The following STK4 variants were observed in gnomAD, a reference collection of about 807,000 sequenced individuals.
STK4 encodes the protein serine/threonine kinase 4.
Under a neutral mutation model 64.9 loss-of-function variants are expected in STK4, and 30 were observed. The observed-to-expected ratio is 0.46, with a 90% CI of 0.35 to 0.63. The LOEUF is 0.63. Among genes scored for constraint, STK4 ranks in the 20% least tolerant of loss-of-function variants. The pLI is 0.01. For synonymous variants in STK4, 177 were observed against 199.0 expected (o/e 0.89, Z 0.93); for missense variants, 466 against 598.5 (o/e 0.78, Z 2.31).
chr20:44,967,487 A>C (rs1042972489), intron 1 of STK4, among the ~76,000 whole-genome samples: 1 of 151,918 alleles, frequency 6.6e-6, no homozygotes, highest in African/African-American at 2.4e-5. Flanking sequence ...GAAAATCTCA[A>C]CTCCTGGATT....
intron 10 of STK4, among the ~76,000 whole-genome samples, chr20:45,027,226 C>T (rs976146446): frequency 3.3e-5 from 5 of 151,940 alleles, no homozygotes; most frequent in African/African-American, 9.7e-5. Flanking sequence ...GTCAGGAGTT[C>T]GAGGCTAGCC....
intron 7 of STK4, among the ~76,000 whole-genome samples, chr20:44,997,516 G>A (rs1358548581): frequency 1.3e-5 from 2 of 152,126 alleles, no homozygotes; most frequent in Non-Finnish European, 2.9e-5. Context: ...GTGAAACCAT[G>A]TCTCTACAAA....
At chr20:45,062,989 C>CTTTTGTT (rs1979212047) in intron 10 of STK4, among the ~76,000 whole-genome samples, 1 of 31,452 alleles carries the variant, frequency 3.2e-5, no homozygotes, top group Non-Finnish European at 5.8e-5. Context: ...CGCACCCGGC[C>CTTTTGTT]TTTTTTTTTT....
At chr20:45,041,795 C>G (rs750426829) in intron 10 of STK4, among the ~76,000 whole-genome samples, 6 of 151,886 alleles carry the variant, frequency 4.0e-5, no homozygotes, top group Admixed American at 6.6e-5. Flanking sequence ...CATAACATCA[C>G]GTGTCACAGG....
intron 5 of STK4, among the ~76,000 whole-genome samples, chr20:44,994,188 T>TA (rs1260416634): frequency 6.6e-6 from 1 of 151,696 alleles, no homozygotes; most frequent in Non-Finnish European, 1.5e-5. Context: ...ATTGCACATG[T>TA]ATGCTCATAT....
chr20:45,007,131 GTTATC>G (rs1359432853), intron 9 of STK4, among the ~76,000 whole-genome samples: 1 of 152,032 alleles, frequency 6.6e-6, no homozygotes, highest in Non-Finnish European at 1.5e-5. Context: ...AGCTCATTCC[GTTATC>G]TTAACTGTCT....
chr20:44,973,505 T>C (rs1397015839), intron 2 of STK4: 1 of 152,242 alleles, frequency 6.6e-6, no homozygotes, highest in East Asian at 1.9e-4. Flanking sequence ...TCCTTGCTAT[T>C]TTCCCTAAGG....
intron 10 of STK4, among the ~76,000 whole-genome samples, chr20:45,025,747 C>T (rs1302971034): frequency 6.6e-6 from 1 of 152,154 alleles, no homozygotes; most frequent in Non-Finnish European, 1.5e-5. Context: ...TTGACTATTA[C>T]TAGAAAAGAT....
At chr20:45,001,525 A>T (rs142191906) in intron 9 of STK4, among the ~76,000 whole-genome samples, 172 bp downstream of exon 9, 5 of 152,336 alleles carry the variant, frequency 3.3e-5, no homozygotes, top group African/African-American at 1.2e-4. Context: ...TGAGGGGGAA[A>T]GCTGGCCTGT....
At chr20:44,997,389 A>T in intron 7 of STK4, 83 bp downstream of exon 7, 3 of 1,501,442 alleles carry the variant, frequency 2.0e-6, no homozygotes, top group Non-Finnish European at 2.7e-6. Flanking sequence ...CTACGTGGAG[A>T]TAGTAAAGAA....
chr20:45,034,485 C>T (rs6103972), intron 10 of STK4, among the ~76,000 whole-genome samples: 10,073 of 152,116 alleles, frequency 0.066, 1,098 homozygotes, highest in African/African-American at 0.23. Flanking sequence ...ATATTTACTT[C>T]CCATGTGGAA....
chr20:44,993,257 C>CAT (rs2067668175), intron 5 of STK4, among the ~76,000 whole-genome samples: 1 of 151,300 alleles, frequency 6.6e-6, no homozygotes, highest in South Asian at 2.1e-4. Flanking sequence ...TATATGTACA[C>CAT]ACACACATAC....
In STK4 at chr20:45,076,327, CTG is replaced by C. The variant is rs1980512269; in HGVS notation, c.*1152_*1153del. 1 of 152,194 alleles carries C rather than the reference CTG, an allele frequency of 6.6e-6. No individual in the cohort carries two copies. Among genetic ancestry groups the C allele is most frequent in the Non-Finnish European group, 1.5e-5 (1 of 68,066 alleles). The allele number at this position is 152,194 out of a possible 1,614,324, so 9.4% of individuals were successfully genotyped here. A position where few individuals can be genotyped will look rare whatever the true frequency, so the allele number is the denominator to read the frequency against. On this transcript the variant is annotated 3_prime_UTR_variant, in exon 11 of 11. Transcript: ENST00000372806. The surrounding 1 kb of genome is among the most constrained non-coding windows in gnomAD (Gnocchi z 4.0). ...TCCTCTTGTACGGATGATCGCAAAA[CTG>C]AGGTGTAGAGAGGGGAATGGCCAAA...
At chr20:45,029,741 T>TTA (rs1433033837) in intron 10 of STK4, among the ~76,000 whole-genome samples, 1 of 152,234 alleles carries the variant, frequency 6.6e-6, no homozygotes, top group Non-Finnish European at 1.5e-5. Flanking sequence ...GATTGGTGTT[T>TTA]TAACCTGTCC....
intron 10 of STK4, among the ~76,000 whole-genome samples, chr20:45,025,385 A>T (rs1340924294): frequency 1.3e-5 from 2 of 152,228 alleles, no homozygotes; most frequent in East Asian, 3.8e-4. Context: ...ATGGTGAGAG[A>T]AGTATTCAAT....
chr20:45,030,246 T>C (rs1429980005), intron 10 of STK4, among the ~76,000 whole-genome samples: 2 of 152,030 alleles, frequency 1.3e-5, no homozygotes, highest in African/African-American at 4.8e-5. Flanking sequence ...TCTGGGATTA[T>C]AGGTGCCTGC....
chr20:45,051,580 T>G (rs1009882345), intron 10 of STK4, among the ~76,000 whole-genome samples: 2 of 152,230 alleles, frequency 1.3e-5, no homozygotes, highest in Non-Finnish European at 2.9e-5. Context: ...TGATTTGTTG[T>G]GCTGGTATGT....
Position 45,000,446 on chromosome 20 carries a change from G to A in STK4, c.886G>A (p.Glu296Lys). The A allele has an allele frequency of 6.2e-7, 1 of 1,614,054 alleles. No individual in the cohort carries two copies. Among genetic ancestry groups the A allele is most frequent in the Non-Finnish European group, 8.5e-7 (1 of 1,179,966 alleles). ...GVSILRDLINEAMDVKLKRQE... is the reference protein window; with the variant it reads ...GVSILRDLINKAMDVKLKRQE... Reference sequence around the variant, plus strand: ...GTCAATACTGCGAGACTTAATTAATGAAGCCATGGATGTGAAACTGAAACG... The same window carrying A: ...GTCAATACTGCGAGACTTAATTAATAAAGCCATGGATGTGAAACTGAAACG... Residue 296 changes from glutamate to lysine, a missense_variant, in exon 8 of 11, where the codon GAA becomes AAA. Glu to Lys is a moderately conservative substitution (Grantham distance 56). Around this residue, in one of 2 missense-constraint regions of STK4, gnomAD observed 276 missense variants for 308.9 expected, o/e 0.89. Transcript: ENST00000372806.
intron 10 of STK4, among the ~76,000 whole-genome samples, chr20:45,067,511 C>T (rs1308077664): frequency 6.6e-6 from 1 of 152,034 alleles, no homozygotes; most frequent in African/African-American, 2.4e-5. Context: ...AGGCCTAAAC[C>T]CTGTACTTTG....
Sources: allele counts gnomAD v4.1 joint callset (sites outside exome capture counted in the v4.1 genomes callset), GRCh38; gene constraint gnomAD v4.1.1; regional missense constraint gnomAD v4.1.1; non-coding constraint Gnocchi (gnomAD v3.1); transcripts MANE v1.5; gene names NCBI Gene and HGNC (gene_info 2026-07-23, HGNC 2026-07-21).